The following HHAT variants were observed in gnomAD, a reference collection of about 807,000 sequenced individuals.
HHAT encodes hedgehog acyltransferase.
HHAT carries 47 observed loss-of-function variants against 70.8 expected under a neutral mutation model. That is an observed-to-expected ratio of 0.66 (90% CI 0.53 to 0.85). HHAT has a LOEUF of 0.85. Among genes scored for constraint, HHAT ranks in the 40% least tolerant of loss-of-function variants. The pLI is 0.00. For synonymous variants in HHAT, 228 were observed against 247.6 expected, an observed-to-expected ratio of 0.92 and a Z score of 0.74; for missense variants, 609 against 604.8, an observed-to-expected ratio of 1.01 and a Z score of -0.07.
At chr1:210,328,779 G>A (rs1055347231), upstream of HHAT, 4 of 351,664 alleles carry the variant, frequency 1.1e-5, no homozygotes, top group African/African-American at 4.3e-5. Context: ...CCGGGCCGCC[G>A]GCGGGGCAAA....
At chr1:210,491,105 G>A (rs2094545895) in intron 8 of HHAT, among the ~76,000 whole-genome samples, 1 of 151,698 alleles carries the variant, frequency 6.6e-6, no homozygotes, top group Admixed American at 6.6e-5. Context: ...CTGCTGGATT[G>A]AAAGTGGGAA....
chr1:210,660,902 A>G (rs1326109292), intron 11 of HHAT, among the ~76,000 whole-genome samples: 1 of 152,224 alleles, frequency 6.6e-6, no homozygotes, highest in African/African-American at 2.4e-5. Context: ...TACACCTTAT[A>G]CAAACATTAA....
intron 9 of HHAT, among the ~76,000 whole-genome samples, chr1:210,575,728 A>T (rs912764906): frequency 6.6e-6 from 1 of 152,172 alleles, no homozygotes; most frequent in African/African-American, 2.4e-5. Flanking sequence ...TGAAGATTGT[A>T]ATACCACAAA....
At chr1:210,396,875 T>C (rs1166788268) in intron 4 of HHAT, among the ~76,000 whole-genome samples, 2 of 152,116 alleles carry the variant, frequency 1.3e-5, no homozygotes, top group African/African-American at 4.8e-5. Flanking sequence ...GGATTAGGGA[T>C]GGGGGTGATC....
At chr1:210,478,665 T>C (rs1455160733) in intron 8 of HHAT, among the ~76,000 whole-genome samples, 1 of 152,158 alleles carries the variant, frequency 6.6e-6, no homozygotes, top group African/African-American at 2.4e-5. Flanking sequence ...CACAAGGGAC[T>C]CTTCGGCCCT....
chr1:210,559,943 C>T (rs2095606316), intron 9 of HHAT, among the ~76,000 whole-genome samples: 1 of 152,174 alleles, frequency 6.6e-6, no homozygotes. Flanking sequence ...AATTTGGGAG[C>T]AGCTCTCTCT....
rs971592092 is a variant in HHAT, at chr1:210,676,058, G to A, written c.*1679G>A. On this transcript the variant is annotated 3_prime_UTR_variant, in exon 12 of 12. Transcript: ENST00000261458. ...AAGAAAGGGCTTGCTAAGAAAAAAGGGAGTAAAAATGATGATAGGGAAGTG... is the reference window on the plus strand; with the variant it reads ...AAGAAAGGGCTTGCTAAGAAAAAAGAGAGTAAAAATGATGATAGGGAAGTG... 6.6e-6 allele frequency: 1 copy of A among 152,148 alleles called. No individual in the cohort carries two copies. The highest frequency in any genetic ancestry group is 1.5e-5 in the Non-Finnish European group (1 of 68,034). 9.4% of individuals were successfully genotyped at this position (152,148 alleles called of 1,614,324 possible). A position where few individuals can be genotyped will look rare whatever the true frequency, so the allele number is the denominator to read the frequency against.
chr1:210,351,110 AGCCAGTGGT>A (rs1260783191), intron 2 of HHAT, among the ~76,000 whole-genome samples: 2 of 152,216 alleles, frequency 1.3e-5, no homozygotes, highest in Non-Finnish European at 2.9e-5. Flanking sequence ...GACCTGTGAA[AGCCAGTGGT>A]GCAATTCAGT....
chr1:210,475,655 T>A (rs2094294147), intron 8 of HHAT, among the ~76,000 whole-genome samples: 1 of 152,358 alleles, frequency 6.6e-6, no homozygotes, highest in Admixed American at 6.5e-5. Context: ...GGATTGGTTT[T>A]TTGTTTCATC....
At chr1:210,507,364 T>TC (rs1207221457) in intron 8 of HHAT, among the ~76,000 whole-genome samples, 5 of 147,748 alleles carry the variant, frequency 3.4e-5, no homozygotes, top group South Asian at 2.2e-4. Flanking sequence ...TTTTTCTTTT[T>TC]TTTTTTTTTT....
At chr1:210,652,362 G>A (rs1466191994) in intron 11 of HHAT, among the ~76,000 whole-genome samples, 1 of 152,216 alleles carries the variant, frequency 6.6e-6, no homozygotes, top group Non-Finnish European at 1.5e-5. Flanking sequence ...CAGAGATTAT[G>A]ATGCCAGTAG....
chr1:210,476,530 C>G (rs2094309365), intron 8 of HHAT, among the ~76,000 whole-genome samples: 1 of 152,202 alleles, frequency 6.6e-6, no homozygotes, highest in Non-Finnish European at 1.5e-5. Context: ...GTCTTCATTC[C>G]TCAGTCCAGC....
intron 11 of HHAT, among the ~76,000 whole-genome samples, chr1:210,653,042 A>G (rs1204357535): frequency 6.6e-6 from 1 of 152,160 alleles, no homozygotes; most frequent in Non-Finnish European, 1.5e-5. Context: ...ATAGACATAA[A>G]TGTCCACTGG....
chr1:210,569,103 A>G (rs1655485456), intron 9 of HHAT, among the ~76,000 whole-genome samples: 2 of 152,076 alleles, frequency 1.3e-5, no homozygotes, highest in South Asian at 2.1e-4. Context: ...GCCGGGCACA[A>G]TGGCTCATGC....
Position 210,674,478 on chromosome 1 carries a change from T to C in HHAT, c.*99T>C, listed in dbSNP as rs1285460508. 1.1e-6 allele frequency: 1 copy of C among 873,220 alleles called. No individual in the cohort carries two copies. 54.1% of individuals were successfully genotyped at this position (873,220 alleles called of 1,614,324 possible). ...AGGACAGCCTCTAAGGGATTTGATC[T>C]GCTCATCTTCAGTTGAATGCCCTCA... On this transcript the variant is annotated 3_prime_UTR_variant, in exon 12 of 12. Transcript: ENST00000261458.
intron 9 of HHAT, among the ~76,000 whole-genome samples, chr1:210,560,397 G>C (rs372171145): frequency 1.2e-4 from 18 of 152,144 alleles, no homozygotes; most frequent in Non-Finnish European, 2.2e-4. Flanking sequence ...TCTGAGACTT[G>C]TTTATAATGG....
At chr1:210,417,473 G>T (rs1052883220) in intron 6 of HHAT, among the ~76,000 whole-genome samples, 2 of 152,158 alleles carry the variant, frequency 1.3e-5, no homozygotes, top group African/African-American at 2.4e-5. Context: ...GACCTCAGGT[G>T]ATCTGCCCAC....
At chr1:210,435,423 A>G (rs1303884632) in intron 7 of HHAT, among the ~76,000 whole-genome samples, 1 of 151,942 alleles carries the variant, frequency 6.6e-6, no homozygotes, top group East Asian at 1.9e-4. Flanking sequence ...TAATGCTGCA[A>G]TAAACATGGG....
chr1:210,538,552 C>A (rs2095397590), intron 9 of HHAT, among the ~76,000 whole-genome samples: 1 of 152,100 alleles, frequency 6.6e-6, no homozygotes, highest in African/African-American at 2.4e-5. Context: ...TTAAAGTTCT[C>A]TTTGGAGAAC....
Sources: gnomAD v4.1 joint callset for allele counts (sites outside exome capture counted in the v4.1 genomes callset) on GRCh38, gnomAD v4.1.1 for gene constraint, MANE v1.5 for transcripts, NCBI Gene and HGNC (gene_info 2026-07-23, HGNC 2026-07-21) for gene names.